TBC1D5: variants seen among roughly 807,000 people sequenced by gnomAD.
TBC1D5 encodes TBC1 domain family, member 5.
Under a neutral mutation model 100.3 loss-of-function variants are expected in TBC1D5, and 75 were observed. The ratio of observed to expected loss-of-function variants is 0.75; its 90% CI spans 0.62 to 0.91. The LOEUF (loss-of-function observed/expected upper bound fraction) is 0.91. Ranked by LOEUF, TBC1D5 falls within the 40% of genes least tolerant of loss-of-function variation. The pLI, the probability that TBC1D5 is intolerant of heterozygous loss-of-function variation, is 0.00. For missense variants in TBC1D5, 910 were observed against 942.4 expected (o/e 0.97, Z 0.45); for synonymous variants, 323 against 325.6 (o/e 0.99, Z 0.09).
chr3:17,393,083 T>G (rs2093401805), intron 8 of TBC1D5, among the ~76,000 whole-genome samples: 1 of 147,748 alleles, frequency 6.8e-6, no homozygotes. Flanking sequence ...ACTGTGGTTT[T>G]GATTTGCATT....
At chr3:17,163,012 T>C (rs2066227634) in intron 21 of TBC1D5, among the ~76,000 whole-genome samples, 1 of 152,252 alleles carries the variant, frequency 6.6e-6, no homozygotes, top group Non-Finnish European at 1.5e-5. Context: ...GCCTAGTTTT[T>C]AGAGTGGTGC....
chr3:17,230,587 G>T (rs1213588423), intron 17 of TBC1D5, among the ~76,000 whole-genome samples: 1 of 151,154 alleles, frequency 6.6e-6, no homozygotes, highest in African/African-American at 2.4e-5. Flanking sequence ...TGGACAGGAA[G>T]TTTTTTTTTA....
intron 15 of TBC1D5, among the ~76,000 whole-genome samples, chr3:17,259,534 C>T (rs1238667354): frequency 6.6e-6 from 1 of 152,000 alleles, no homozygotes; most frequent in Non-Finnish European, 1.5e-5. Flanking sequence ...CTAATGTTTA[C>T]CTGGGCAGAT....
chr3:17,399,771 C>T (rs1170613943), intron 8 of TBC1D5, among the ~76,000 whole-genome samples: 2 of 152,146 alleles, frequency 1.3e-5, no homozygotes, highest in Non-Finnish European at 2.9e-5. Context: ...AAAGCACTTG[C>T]TCTAGCCGAA....
exon 9 of TBC1D5, chr3:17,383,996 A>C: frequency 6.3e-7 from 1 of 1,597,338 alleles, no homozygotes; most frequent in Non-Finnish European, 8.6e-7. Flanking sequence ...TCTTGCTGGA[A>C]AAACTGCATT....
rs544259157 is a variant in TBC1D5 at position 17,225,561 on chromosome 3, G to A, written c.1589-11191C>T. On this transcript the variant is annotated intron_variant, in intron 17 of 21. Coordinates refer to ENST00000253692, the Ensembl canonical transcript of TBC1D5. ...TCCCACCTGTAATTTCAGCACTCTG[G>A]GAGGCCGAGACTGGAGGATTGCCTG... 2.0e-5 allele frequency among the ~76,000 whole-genome samples: 3 copies of A among 152,226 alleles called. No homozygotes were observed. In the East Asian group the frequency reaches 5.8e-4, roughly 29 times the overall value.
At chr3:17,429,862 G>A (rs2094415660) in intron 3 of TBC1D5, among the ~76,000 whole-genome samples, 1 of 151,750 alleles carries the variant, frequency 6.6e-6, no homozygotes, top group Non-Finnish European at 1.5e-5. Flanking sequence ...AGTGGACTGA[G>A]CCTGCTTATT....
chr3:17,529,733 G>T (rs988957094), intron 2 of TBC1D5, among the ~76,000 whole-genome samples: 2 of 151,636 alleles, frequency 1.3e-5, no homozygotes, highest in African/African-American at 4.9e-5. Flanking sequence ...TGCAACCTCT[G>T]TCTGCCGGGC....
chr3:17,283,644 C>T (rs534645047), intron 15 of TBC1D5, among the ~76,000 whole-genome samples: 2 of 152,112 alleles, frequency 1.3e-5, no homozygotes, highest in East Asian at 1.9e-4. Context: ...TTGGAACTTC[C>T]GGCTAAGAGC....
intron 8 of TBC1D5, among the ~76,000 whole-genome samples, chr3:17,384,367 T>C (rs1394489881): frequency 6.6e-6 from 1 of 152,114 alleles, no homozygotes; most frequent in Non-Finnish European, 1.5e-5. Flanking sequence ...AATGTGATTT[T>C]GTAAAAGTAC....
At chr3:17,243,146 A>C (rs925840133) in intron 16 of TBC1D5, among the ~76,000 whole-genome samples, 1 of 152,166 alleles carries the variant, frequency 6.6e-6, no homozygotes, top group Non-Finnish European at 1.5e-5. Flanking sequence ...GGACGGTCAT[A>C]ATCTTCTGTT....
intron 1 of TBC1D5, among the ~76,000 whole-genome samples, chr3:17,730,718 G>A (rs2076483496): frequency 6.6e-6 from 1 of 152,054 alleles, no homozygotes; most frequent in African/African-American, 2.4e-5. Context: ...TTGTCACACG[G>A]CAGTTAACAA....
intron 19 of TBC1D5, among the ~76,000 whole-genome samples, chr3:17,173,946 G>T (rs2067432390): frequency 6.6e-6 from 1 of 152,030 alleles, no homozygotes; most frequent in African/African-American, 2.4e-5. Context: ...CTGTGCACAG[G>T]GTGTGTGCCA....
At chr3:17,485,332 T>TTTATTATTATTATTATTA (rs10663489) in intron 3 of TBC1D5, among the ~76,000 whole-genome samples, 38 of 149,710 alleles carry the variant, frequency 2.5e-4, no homozygotes, top group African/African-American at 9.1e-4. Flanking sequence ...GCCAATATTC[T>TTTATTATTATTATTATTA]TTATTATTAT....
At position 17,492,489 on chromosome 3, in the gene TBC1D5, G is replaced by C. The variant is rs540375010; in HGVS notation, c.97+15985C>G. Among the ~76,000 whole-genome samples, 22 of 151,978 alleles carry C rather than the reference G, an allele frequency of 1.4e-4. No individual in the cohort carries two copies. The South Asian group carries it at 2.7e-3, about 19-fold the overall frequency. ...CTCCTCTGTCACCCAGGCTGGAGTG[G>C]AGTGGCACAACCTTGGCTCACCACA... On this transcript the variant is annotated intron_variant, in intron 3 of 21. Coordinates refer to ENST00000253692, the Ensembl canonical transcript of TBC1D5.
At chr3:17,255,909 G>A (rs1401116047) in intron 16 of TBC1D5, among the ~76,000 whole-genome samples, 2 of 152,088 alleles carry the variant, frequency 1.3e-5, no homozygotes, top group East Asian at 1.9e-4. Context: ...GGCAGCGTGC[G>A]CCTGTAGTCC....
intron 3 of TBC1D5, among the ~76,000 whole-genome samples, chr3:17,480,121 T>A (rs1035524976): frequency 6.6e-6 from 1 of 152,216 alleles, no homozygotes; most frequent in Non-Finnish European, 1.5e-5. Flanking sequence ...TGCACACACA[T>A]AGGGCGGCAC....
chr3:17,646,353 C>T (rs2065013639), intron 1 of TBC1D5, among the ~76,000 whole-genome samples: 1 of 152,076 alleles, frequency 6.6e-6, no homozygotes, highest in South Asian at 2.1e-4. Flanking sequence ...TTGTTTTTAG[C>T]CACTCAGTTT....
chr3:17,662,813 T>C (rs1224827215), intron 1 of TBC1D5, among the ~76,000 whole-genome samples: 1 of 152,146 alleles, frequency 6.6e-6, no homozygotes, highest in Non-Finnish European at 1.5e-5. Context: ...TTAAATAATA[T>C]CTGGCACTGC....
Sources: allele counts gnomAD v4.1 joint callset (sites outside exome capture counted in the v4.1 genomes callset), GRCh38; gene constraint gnomAD v4.1.1; transcripts MANE v1.5; gene names NCBI Gene and HGNC (gene_info 2026-07-23, HGNC 2026-07-21).